Variants in NRG3 observed in about 807,000 individuals in gnomAD.
NRG3 encodes neuregulin 3.
Under a neutral mutation model 66.9 loss-of-function variants are expected in NRG3, and 31 were observed. The observed-to-expected ratio is 0.46, with a 90% CI of 0.35 to 0.63. The LOEUF (loss-of-function observed/expected upper bound fraction) is 0.63, where lower values mean the gene tolerates loss of function less well. Among genes scored for constraint, NRG3 ranks in the 20% least tolerant of loss-of-function variants. The pLI, the probability that NRG3 is intolerant of heterozygous loss-of-function variation, is 0.00. For missense variants in NRG3, 910 were observed against 878.9 expected (o/e 1.04, Z -0.45); for synonymous variants, 393 against 359.4 (o/e 1.09, Z -1.06).
intron 2 of NRG3, among the ~76,000 whole-genome samples, chr10:82,441,455 C>T (rs1415105945): frequency 2.0e-5 from 3 of 152,224 alleles, no homozygotes; most frequent in Non-Finnish European, 4.4e-5. Context: ...CTGCTATTCA[C>T]TGTTTCCATG....
chr10:82,176,131 A>G (rs1356862549), intron 1 of NRG3, among the ~76,000 whole-genome samples: 1 of 152,202 alleles, frequency 6.6e-6, no homozygotes, highest in African/African-American at 2.4e-5. Flanking sequence ...TCTTTAATAC[A>G]TTAATATGAA....
chr10:82,918,724 C>G (rs920308697), intron 4 of NRG3, among the ~76,000 whole-genome samples: 1 of 152,114 alleles, frequency 6.6e-6, no homozygotes, highest in Admixed American at 6.6e-5. Context: ...TGATATCCAT[C>G]GGTTATTTAT....
At chr10:82,358,530 A>C (rs371668728) in intron 1 of NRG3, among the ~76,000 whole-genome samples, 158 of 152,248 alleles carry the variant, frequency 1.0e-3, no homozygotes, top group Middle Eastern at 3.4e-3. Flanking sequence ...CAATAGATAA[A>C]ATTTAGTGGA....
At chr10:82,269,994 G>A (rs1157719010) in intron 1 of NRG3, among the ~76,000 whole-genome samples, 2 of 152,196 alleles carry the variant, frequency 1.3e-5, no homozygotes, top group African/African-American at 2.4e-5. Context: ...AAATGGGGAC[G>A]ATTAAAGTAT....
intron 1 of NRG3, among the ~76,000 whole-genome samples, chr10:82,272,839 T>G (rs1458357463): frequency 6.6e-6 from 1 of 152,074 alleles, no homozygotes; most frequent in African/African-American, 2.4e-5. Flanking sequence ...TTTTGATAAA[T>G]TGCCTCTGCT....
chr10:82,603,713 T>G (rs1490910846), intron 2 of NRG3, among the ~76,000 whole-genome samples: 8 of 151,914 alleles, frequency 5.3e-5, no homozygotes, highest in Admixed American at 2.0e-4. Flanking sequence ...GATAATATAT[T>G]TACTTGTTAT....
intron 2 of NRG3, among the ~76,000 whole-genome samples, chr10:82,651,032 G>A (rs935531736): frequency 6.6e-6 from 1 of 152,214 alleles, no homozygotes; most frequent in African/African-American, 2.4e-5. Context: ...AGTGATGGAA[G>A]CATATAATTG....
chr10:81,975,314 CATCTATCTATCTATCTATCTATCTATCT>C (rs140419592), intron 1 of NRG3, among the ~76,000 whole-genome samples: 13 of 143,718 alleles, frequency 9.0e-5, no homozygotes, highest in Non-Finnish European at 1.5e-4. Flanking sequence ...AATTGTGTAA[CATCTATCTATCTATCTATCTATCTATCT>C]ATCTATCTAT....
At chr10:82,471,494 C>T (rs940567722) in intron 2 of NRG3, among the ~76,000 whole-genome samples, 1 of 152,196 alleles carries the variant, frequency 6.6e-6, no homozygotes, top group Non-Finnish European at 1.5e-5. Context: ...GTTTAAATGA[C>T]ATCTTCTCTG....
intron 1 of NRG3, among the ~76,000 whole-genome samples, chr10:82,129,016 G>T (rs138336883): frequency 6.6e-6 from 1 of 151,976 alleles, no homozygotes; most frequent in Non-Finnish European, 1.5e-5. Context: ...GGGTTCAAGC[G>T]ATTCTCCTGT....
chr10:82,498,245 G>T (rs530282325), intron 2 of NRG3, among the ~76,000 whole-genome samples: 17 of 152,058 alleles, frequency 1.1e-4, no homozygotes, highest in African/African-American at 3.6e-4. Context: ...TCATTAAGGG[G>T]AAATAAACAA....
At chr10:82,088,030 A>G (rs754244552) in intron 1 of NRG3, among the ~76,000 whole-genome samples, 5 of 152,226 alleles carry the variant, frequency 3.3e-5, no homozygotes, top group Admixed American at 6.5e-5. Context: ...CTCTTCCCCA[A>G]TGCCTGGGAT....
intron 1 of NRG3, among the ~76,000 whole-genome samples, chr10:82,243,364 A>G (rs2077086780): frequency 6.6e-6 from 1 of 152,194 alleles, no homozygotes; most frequent in African/African-American, 2.4e-5. Flanking sequence ...CAGAAAATGG[A>G]GAAGACATAA....
intron 1 of NRG3, among the ~76,000 whole-genome samples, chr10:82,160,900 AC>A (rs952627271): frequency 6.6e-5 from 10 of 152,020 alleles, no homozygotes; most frequent in African/African-American, 2.4e-4. Context: ...GGAAATATAA[AC>A]TAGAATAAAA....
chr10:82,263,616 CCA>C (rs375519134), intron 1 of NRG3, among the ~76,000 whole-genome samples: 6 of 151,666 alleles, frequency 4.0e-5, no homozygotes, highest in Non-Finnish European at 7.4e-5. Context: ...TACACACACA[CCA>C]CACACACACA....
chr10:82,313,515 A>G (rs571268065), intron 1 of NRG3, among the ~76,000 whole-genome samples: 43 of 152,156 alleles, frequency 2.8e-4, no homozygotes, highest in Admixed American at 5.2e-4. Context: ...CTGGACACCA[A>G]AGGTCTCAGA....
chr10:82,384,580 G>A (rs1308547692), intron 2 of NRG3, among the ~76,000 whole-genome samples: 2 of 152,100 alleles, frequency 1.3e-5, no homozygotes, highest in Non-Finnish European at 2.9e-5. Flanking sequence ...GCCTCCAGTT[G>A]CACACATGTC....
intron 2 of NRG3, among the ~76,000 whole-genome samples, chr10:82,611,838 C>T (rs895692689): frequency 3.3e-5 from 5 of 152,168 alleles, no homozygotes; most frequent in African/African-American, 1.2e-4. Flanking sequence ...CTTGAGGAAT[C>T]ACCACACTGT....
chr10:82,147,417 G>T (rs758825590), intron 1 of NRG3, among the ~76,000 whole-genome samples: 3 of 152,126 alleles, frequency 2.0e-5, no homozygotes, highest in Non-Finnish European at 4.4e-5. Flanking sequence ...TATTTACCTG[G>T]TTGTCCTTAG....
Sources: gnomAD v4.1 joint callset for allele counts (sites outside exome capture counted in the v4.1 genomes callset) on GRCh38, gnomAD v4.1.1 for gene constraint, MANE v1.5 for transcripts, NCBI Gene and HGNC (gene_info 2026-07-23, HGNC 2026-07-21) for gene names.